The following DAB1 variants were observed in gnomAD, a reference collection of about 807,000 sequenced individuals.
DAB1 encodes the protein disabled homolog 1.
Under a neutral mutation model 64.6 loss-of-function variants are expected in DAB1, and 15 were observed. That is an observed-to-expected ratio of 0.23 (90% CI 0.16 to 0.36). DAB1 has a LOEUF of 0.36. DAB1 is among the 10% of genes least tolerant of loss of function. The probability of loss-of-function intolerance (pLI) is 1.00; values close to 1 mark genes in which losing one functional copy is unlikely to be tolerated. For synonymous variants in DAB1, 235 were observed against 251.9 expected, an observed-to-expected ratio of 0.93 and a Z score of 0.64; for missense variants, 596 against 706.7, an observed-to-expected ratio of 0.84 and a Z score of 1.78.
intron 7 of DAB1, among the ~76,000 whole-genome samples, chr1:57,628,323 G>A (rs1168997519): frequency 6.6e-6 from 1 of 152,250 alleles, no homozygotes; most frequent in African/African-American, 2.4e-5. Context: ...TCGGGCTGAA[G>A]TCACAGTTTG....
chr1:58,087,967 G>C (rs1650421975), intron 5 of DAB1, among the ~76,000 whole-genome samples: 1 of 152,120 alleles, frequency 6.6e-6, no homozygotes, highest in African/African-American at 2.4e-5. Context: ...CACTCTGCTG[G>C]GGAAGGCAAC....
chr1:57,311,812 G>A (rs1248669730), intron 1 of DAB1, among the ~76,000 whole-genome samples: 2 of 152,144 alleles, frequency 1.3e-5, no homozygotes, highest in Admixed American at 1.3e-4. Flanking sequence ...CCATCCATGT[G>A]AATGCATCTT....
intron 4 of DAB1, among the ~76,000 whole-genome samples, chr1:58,235,025 G>A (rs1659953720): frequency 6.6e-6 from 1 of 152,224 alleles, no homozygotes; most frequent in South Asian, 2.1e-4. Flanking sequence ...ATCTATTCGT[G>A]GCCTTGTCTC....
chr1:58,452,861 A>C (rs1645153815), intron 3 of DAB1, among the ~76,000 whole-genome samples: 1 of 151,940 alleles, frequency 6.6e-6, no homozygotes, highest in East Asian at 1.9e-4. Flanking sequence ...AAACAAAAAA[A>C]AAACAAAGCT....
At chr1:57,202,729 A>T (rs1298034856) in intron 2 of DAB1, among the ~76,000 whole-genome samples, 1 of 152,206 alleles carries the variant, frequency 6.6e-6, no homozygotes, top group Non-Finnish European at 1.5e-5. Context: ...CCTGTAATCA[A>T]GTTATCACAC....
intron 4 of DAB1, among the ~76,000 whole-genome samples, chr1:58,338,989 C>T (rs1182007011): frequency 6.6e-6 from 1 of 152,060 alleles, no homozygotes; most frequent in African/African-American, 2.4e-5. Flanking sequence ...GAATTGATGG[C>T]TGTCAGGTTC....
chr1:57,004,134 C>A (rs969111712), intron 14 of DAB1, among the ~76,000 whole-genome samples: 1 of 152,134 alleles, frequency 6.6e-6, no homozygotes. Context: ...GGGTACTTTC[C>A]CAAAGCTATA....
At chr1:57,644,813 G>C (rs116071781) in intron 7 of DAB1, among the ~76,000 whole-genome samples, 2 of 152,204 alleles carry the variant, frequency 1.3e-5, no homozygotes, top group East Asian at 1.9e-4. Context: ...CACTGGGCAA[G>C]CCATTAGGAA....
At chr1:57,130,272 GATTAA>G (rs528088354) in intron 4 of DAB1, among the ~76,000 whole-genome samples, 29 of 152,216 alleles carry the variant, frequency 1.9e-4, no homozygotes, top group Middle Eastern at 3.4e-3. Context: ...AGTCTTAGAG[GATTAA>G]ATTAATCTTT....
chr1:58,415,321 T>G, intron 3 of DAB1: 9 of 211,176 alleles, frequency 4.3e-5, no homozygotes, highest in Non-Finnish European at 6.6e-5. Flanking sequence ...ACCCAGACTA[T>G]GATATTTGGT....
intron 7 of DAB1, among the ~76,000 whole-genome samples, chr1:57,638,043 T>C (rs1433701414): frequency 1.3e-5 from 2 of 152,204 alleles, no homozygotes; most frequent in Non-Finnish European, 2.9e-5. Flanking sequence ...TTTGTATTTA[T>C]AATCTGATAC....
chr1:57,212,570 T>C (rs974676206), intron 2 of DAB1, among the ~76,000 whole-genome samples: 1 of 151,854 alleles, frequency 6.6e-6, no homozygotes, highest in Admixed American at 6.6e-5. Context: ...GGTTTCACCA[T>C]GTTAGCCAGG....
At chr1:57,963,583 G>T (rs1002503685) in intron 5 of DAB1, among the ~76,000 whole-genome samples, 3 of 152,150 alleles carry the variant, frequency 2.0e-5, no homozygotes, top group South Asian at 2.1e-4. Flanking sequence ...ATGATTTCTT[G>T]TTGTTGAAAT....
chr1:57,984,729 T>C (rs943311793), intron 5 of DAB1, among the ~76,000 whole-genome samples: 1 of 152,230 alleles, frequency 6.6e-6, no homozygotes, highest in Non-Finnish European at 1.5e-5. Flanking sequence ...TGTAAGTCAG[T>C]TAAATTGCAT....
At chr1:57,218,865 T>G (rs1666640853) in intron 2 of DAB1, among the ~76,000 whole-genome samples, 1 of 152,114 alleles carries the variant, frequency 6.6e-6, no homozygotes, top group African/African-American at 2.4e-5. Flanking sequence ...TATTTCTCTC[T>G]GTCAAGATGA....
chr1:57,121,196 G>A (rs956786616), intron 4 of DAB1, among the ~76,000 whole-genome samples: 15 of 150,978 alleles, frequency 9.9e-5, no homozygotes, highest in Admixed American at 4.6e-4. Flanking sequence ...AGAGAAGAAG[G>A]AGAAGGAGAA....
chr1:57,871,653 C>T (rs1380742922), intron 1 of DAB1, among the ~76,000 whole-genome samples: 1 of 152,154 alleles, frequency 6.6e-6, no homozygotes, highest in Non-Finnish European at 1.5e-5. Context: ...GACAGTTTTG[C>T]TCTAGGTTTG....
chr1:58,131,971 T>A (rs2100697077), intron 5 of DAB1, among the ~76,000 whole-genome samples: 1 of 151,986 alleles, frequency 6.6e-6, no homozygotes, highest in East Asian at 2.0e-4. Context: ...CTCCTTGAGC[T>A]GTGGTGGGCT....
At chr1:58,163,541 T>C (rs549468587) in intron 4 of DAB1, among the ~76,000 whole-genome samples, 1 of 152,250 alleles carries the variant, frequency 6.6e-6, no homozygotes, top group African/African-American at 2.4e-5. Flanking sequence ...TGTTTGAAAA[T>C]CTGCTGAACT....
Sources: allele counts gnomAD v4.1 joint callset (sites outside exome capture counted in the v4.1 genomes callset), GRCh38; gene constraint gnomAD v4.1.1; transcripts MANE v1.5; gene names NCBI Gene and HGNC (gene_info 2026-07-23, HGNC 2026-07-21).